The following MEAF6 variants were observed in gnomAD, a reference collection of about 807,000 sequenced individuals.
The protein encoded by MEAF6 is chromatin modification-related protein MEAF6.
Under a neutral mutation model 28.9 loss-of-function variants are expected in MEAF6, and 15 were observed. That is an observed-to-expected ratio of 0.52 (90% CI 0.35 to 0.80). The LOEUF (loss-of-function observed/expected upper bound fraction) is 0.80. Ranked by LOEUF, MEAF6 falls within the 30% of genes least tolerant of loss-of-function variation. The pLI, the probability that MEAF6 is intolerant of heterozygous loss-of-function variation, is 0.01. For synonymous variants in MEAF6, 97 were observed against 88.7 expected (o/e 1.09, Z -0.53); for missense variants, 178 against 237.5 (o/e 0.75, Z 1.65).
chr1:37,495,117 G>T (rs1000688120), intron 6 of MEAF6, among the ~76,000 whole-genome samples: 1 of 150,796 alleles, frequency 6.6e-6, no homozygotes, highest in Admixed American at 6.6e-5. Context: ...GGTGGATCAC[G>T]AGGTCAGGAG....
chr1:37,511,546 C>A (rs1411933732), intron 2 of MEAF6, among the ~76,000 whole-genome samples: 1 of 152,076 alleles, frequency 6.6e-6, no homozygotes, highest in East Asian at 1.9e-4. Flanking sequence ...AAAAAATGAA[C>A]TTTTATAGCA....
chr1:37,499,374 T>G (rs1642223318), intron 5 of MEAF6, among the ~76,000 whole-genome samples: 1 of 152,144 alleles, frequency 6.6e-6, no homozygotes, highest in Non-Finnish European at 1.5e-5. Flanking sequence ...AACTTAACAA[T>G]GTACATAGAC....
intron 1 of MEAF6, chr1:37,514,410 T>C (rs1303033790): frequency 1.1e-5 from 2 of 179,702 alleles, no homozygotes; most frequent in Admixed American, 7.2e-5. Context: ...CCACGCCCCC[T>C]CCTGCGGCTG....
Position 37,513,605 on chromosome 1 carries a change from T to C in MEAF6, c.91-67A>G, listed in dbSNP as rs766879973. On this transcript the variant is annotated intron_variant, in intron 1 of 6. Transcript: ENST00000296214. ...TGCAAACACTTAAGTCTGGCCAAAA[T>C]GAAATCCTGATATTAGACTCGTAAA... 9 of 1,255,786 alleles carry C rather than the reference T, an allele frequency of 7.2e-6. No individual in the cohort carries two copies. The East Asian group carries it at 2.1e-4, about 29-fold the overall frequency. The allele number at this position is 1,255,786 out of a possible 1,614,324, so 77.8% of individuals were successfully genotyped here.
At position 37,493,104 on chromosome 1, in the gene MEAF6, A is replaced by G. The variant is rs1294787962; in HGVS notation, c.*995T>C. The G allele has an allele frequency of 1.3e-5, 2 of 152,252 alleles. No homozygotes were observed. The highest frequency in any genetic ancestry group is 4.8e-5 in the African/African-American group (2 of 41,470). 9.4% of individuals were successfully genotyped at this position (152,252 alleles called of 1,614,324 possible). ...GGCAACACTGGCTCTCACTGATGCTATCCTTTCACTCCACTTAAGAACGAC... is the reference window on the plus strand; with the variant it reads ...GGCAACACTGGCTCTCACTGATGCTGTCCTTTCACTCCACTTAAGAACGAC... On this transcript the variant is annotated 3_prime_UTR_variant, in exon 7 of 7. Coordinates refer to ENST00000296214, the MANE Select transcript of MEAF6 (RefSeq NM_001270875.3).
At chr1:37,507,074 A>C (rs996698793) in intron 4 of MEAF6, among the ~76,000 whole-genome samples, 7 of 152,156 alleles carry the variant, frequency 4.6e-5, no homozygotes, top group Admixed American at 3.3e-4. Flanking sequence ...AATCCCAGCA[A>C]TTTGGGAGGC....
chr1:37,510,293 G>A (rs1406909861), intron 2 of MEAF6, among the ~76,000 whole-genome samples: 1 of 150,896 alleles, frequency 6.6e-6, no homozygotes, highest in African/African-American at 2.4e-5. Flanking sequence ...AAATTGGCCT[G>A]GCTGGTCTCG....
intron 5 of MEAF6, chr1:37,496,805 T>G: frequency 6.7e-7 from 1 of 1,498,566 alleles, no homozygotes; most frequent in Non-Finnish European, 9.0e-7. Flanking sequence ...ATTAGTCGAT[T>G]AGCCACCCTA....
chr1:37,496,626 A>G (rs752994470), intron 5 of MEAF6: 4 of 1,546,280 alleles, frequency 2.6e-6, no homozygotes, highest in Non-Finnish European at 3.5e-6. Flanking sequence ...CAGATAAACT[A>G]TGGGTTAGAA....
chr1:37,501,638 C>T, intron 5 of MEAF6, 166 bp downstream of exon 5: 1 of 570,590 alleles, frequency 1.8e-6, no homozygotes, highest in East Asian at 2.8e-5. Context: ...CTAATGCCCA[C>T]CAATTCCTCC....
At chr1:37,500,327 A>C (rs1346519894) in intron 5 of MEAF6, among the ~76,000 whole-genome samples, 1 of 152,182 alleles carries the variant, frequency 6.6e-6, no homozygotes, top group African/African-American at 2.4e-5. Context: ...ATGACACTGG[A>C]GTAAATTTAA....
intron 5 of MEAF6, among the ~76,000 whole-genome samples, chr1:37,497,885 C>A (rs191909764): frequency 6.6e-6 from 1 of 152,156 alleles, no homozygotes; most frequent in East Asian, 1.9e-4. Flanking sequence ...AGCCACTGCA[C>A]CCAGCCTGCA....
intron 4 of MEAF6, among the ~76,000 whole-genome samples, chr1:37,502,299 C>T (rs1393826198): frequency 6.6e-6 from 1 of 152,214 alleles, no homozygotes; most frequent in African/African-American, 2.4e-5. Flanking sequence ...TGGTCTTGAA[C>T]ACTTGGCCTC....
rs775794381 is a variant in MEAF6, at chr1:37,491,137, C to CT, written c.*2961dup. On this transcript the variant is annotated 3_prime_UTR_variant, in exon 7 of 7. Transcript: ENST00000296214. ...TCACAGAGTGTTTCAAGCTTAGGCTCTTTAACTTTCAAGCTTAGACTATTT... is the reference window on the plus strand; with the variant it reads ...TCACAGAGTGTTTCAAGCTTAGGCTCTTTTAACTTTCAAGCTTAGACTATTT... Among the ~76,000 whole-genome samples, 1 of 152,222 alleles carries CT rather than the reference C, an allele frequency of 6.6e-6. No homozygotes were observed.
At chr1:37,494,133 A>G (rs1642033598) in intron 6 of MEAF6, 26 bp from the exon 7 acceptor site, 14 of 1,599,976 alleles carry the variant, frequency 8.8e-6, no homozygotes, top group Non-Finnish European at 1.1e-5. Context: ...CAAAAGTCCC[A>G]ACTTACTCTC....
At chr1:37,508,765 G>A (rs1355469460) in intron 4 of MEAF6, among the ~76,000 whole-genome samples, 1 of 152,130 alleles carries the variant, frequency 6.6e-6, no homozygotes, top group African/African-American at 2.4e-5. Context: ...TGTGACAGAA[G>A]AGGCAAGAAG....
intron 4 of MEAF6, among the ~76,000 whole-genome samples, chr1:37,508,274 CTTTTT>C (rs577291632): frequency 2.1e-4 from 18 of 83,892 alleles, no homozygotes; most frequent in South Asian, 8.2e-4. Flanking sequence ...ATGAGCATTT[CTTTTT>C]TTTTTTTTTT....
rs551640587 is a variant in MEAF6 at position 37,510,477 on chromosome 1, G to A, written c.207-935C>T. On this transcript the variant is annotated intron_variant, in intron 2 of 6. Coordinates refer to ENST00000296214, the MANE Select transcript of MEAF6 (RefSeq NM_001270875.3). ...GGTCACTGCAATCTCCACCTTCTGC[G>A]TTCAAGTGATTATCCTGCCTCAGCC... Among the ~76,000 whole-genome samples the A allele has an allele frequency of 1.3e-4, 19 of 145,926 alleles. No homozygotes were observed. In the South Asian group the frequency reaches 2.6e-3, roughly 20 times the overall value.
intron 2 of MEAF6, among the ~76,000 whole-genome samples, chr1:37,511,438 C>T (rs575093753): frequency 2.6e-5 from 4 of 152,282 alleles, no homozygotes; most frequent in East Asian, 3.9e-4. Flanking sequence ...TAAGAATCAA[C>T]GGTGTATACT....
Sources: gnomAD v4.1 joint callset for allele counts (sites outside exome capture counted in the v4.1 genomes callset) on GRCh38, gnomAD v4.1.1 for gene constraint, MANE v1.5 for transcripts, NCBI Gene and HGNC (gene_info 2026-07-23, HGNC 2026-07-21) for gene names.